SERPINC1: variants seen among roughly 807,000 people sequenced by gnomAD.
The protein encoded by SERPINC1 is serpin family C member 1.
A neutral mutation model predicts 43.4 loss-of-function variants in SERPINC1; 12 were observed. The observed-to-expected ratio is 0.28, with a 90% confidence interval of 0.18 to 0.45. SERPINC1 has a LOEUF of 0.45. SERPINC1 is among the 20% of genes least tolerant of loss of function. SERPINC1 has a pLI of 1.00. For synonymous variants in SERPINC1, 210 were observed against 218.9 expected, an observed-to-expected ratio of 0.96 and a Z score of 0.36; for missense variants, 423 against 578.8, an observed-to-expected ratio of 0.73 and a Z score of 2.76.
At chr1:173,913,483 T>G (rs184793514) in intron 2 of SERPINC1, among the ~76,000 whole-genome samples, 16 of 152,292 alleles carry the variant, frequency 1.1e-4, no homozygotes, top group Admixed American at 6.5e-4. Flanking sequence ...GGTCTCAATA[T>G]ACCATCCTAG....
rs1572091831 is a variant in SERPINC1 at position 173,914,633 on chromosome 1, GGAAAAT to G, written c.322_327del (p.Ile108_Phe109del). 1 of 1,614,226 alleles carries G rather than the reference GGAAAAT, an allele frequency of 6.2e-7. No homozygotes were observed. Among genetic ancestry groups the G allele is most frequent in the Non-Finnish European group, 8.5e-7 (1 of 1,180,044 alleles). On this transcript the variant is annotated inframe_deletion, in exon 2 of 7. Transcript: ENST00000367698. ...GCCGTGGAGATACTCAGGGGTGACA[GGAAAAT>G]GTTATCATTGTCATTCTTGGAATCT...
At chr1:173,910,950 T>G (rs2102784901) in intron 3 of SERPINC1, 59 bp from the exon 4 acceptor site, 2 of 1,586,416 alleles carry the variant, frequency 1.3e-6, no homozygotes, top group South Asian at 1.1e-5. Flanking sequence ...TTCTCCATTT[T>G]CCCAGGCAGC....
chr1:173,910,990 T>G, intron 3 of SERPINC1, 99 bp from the exon 4 acceptor site: 1 of 1,360,094 alleles, frequency 7.4e-7, no homozygotes, highest in Non-Finnish European at 1.0e-6. Flanking sequence ...CCCTCTGTCC[T>G]TTCCCACCAT....
Position 173,910,774 on chromosome 1 carries a change from C to T in SERPINC1, c.742G>A (p.Val248Ile). The change falls in exon 4 of 7, where the codon GTT becomes ATT. Residue 248 changes from valine to isoleucine, a missense_variant. Coordinates refer to ENST00000367698, the MANE Select transcript of SERPINC1 (RefSeq NM_000488.4). ...AINELTVLVL[V>I]NTIYFKGLWK... ...AGTACCTTGAAGTAAATGGTGTTAA[C>T]CAGCACCAGAACAGTGAGCTCATTG... The T allele has an allele frequency of 6.2e-7, 1 of 1,614,028 alleles. No individual in the cohort carries two copies. Among genetic ancestry groups the T allele is most frequent in the East Asian group, 2.2e-5 (1 of 44,878 alleles).
In SERPINC1 at chr1:173,911,770, G is replaced by A. The variant is rs572077195; in HGVS notation, c.624+29C>T. The A allele has an allele frequency of 2.9e-5, 45 of 1,548,096 alleles. No homozygotes were observed. The African/African-American group carries it at 3.4e-4, about 12-fold the overall frequency. On this transcript the variant is annotated intron_variant, in intron 3 of 6. Coordinates refer to ENST00000367698, the MANE Select transcript of SERPINC1 (RefSeq NM_000488.4). ...ATCTCTGAGTGGAGAGGAAGAACTC[G>A]GAGGTCAGGGGTAACATCTGCAACT... is the stretch of plus-strand genomic sequence containing the variant.
At chr1:173,912,151 A>C (rs1657797671) in intron 2 of SERPINC1, 137 bp from the exon 3 acceptor site, 2 of 716,726 alleles carry the variant, frequency 2.8e-6, no homozygotes, top group Admixed American at 2.0e-5. Context: ...CTGGGACAGC[A>C]TAAATGCTCA....
chr1:173,905,245 C>A (rs1219464392), intron 6 of SERPINC1, among the ~76,000 whole-genome samples: 2 of 152,134 alleles, frequency 1.3e-5, no homozygotes, highest in African/African-American at 4.8e-5. Context: ...ATCTTAACTT[C>A]CAAAACCATT....
chr1:173,915,264 G>C (rs1015680570), intron 1 of SERPINC1: 1 of 965,658 alleles, frequency 1.0e-6, no homozygotes. Flanking sequence ...TTAGTGCCCA[G>C]TGAAGAGTCA....
At chr1:173,904,787 A>G (rs1002105677) in intron 6 of SERPINC1, among the ~76,000 whole-genome samples, 5 of 151,378 alleles carry the variant, frequency 3.3e-5, no homozygotes, top group African/African-American at 1.2e-4. Flanking sequence ...TCCCTTCCTT[A>G]CCCGCTATCT....
intron 6 of SERPINC1, among the ~76,000 whole-genome samples, chr1:173,905,441 C>T (rs770473927): frequency 6.0e-5 from 9 of 149,864 alleles, no homozygotes; most frequent in Non-Finnish European, 1.0e-4. Context: ...CTCAGTAGGC[C>T]GGGCACGGTG....
In SERPINC1 at chr1:173,911,987, T is replaced by C. The variant is rs1170430756; in HGVS notation, c.436A>G (p.Lys146Glu). The C allele has an allele frequency of 1.9e-6, 3 of 1,614,104 alleles. No individual in the cohort carries two copies. The highest frequency in any genetic ancestry group is 2.5e-6 in the Non-Finnish European group (3 of 1,179,958). Residue 146 changes from lysine (K) to glutamate (E), a missense_variant, in exon 3 of 7, where the codon AAA becomes GAA. Physicochemically the swap from Lys to Glu is moderately conservative, Grantham distance 56 (BLOSUM62 1). Coordinates refer to ENST00000367698, the MANE Select transcript of SERPINC1 (RefSeq NM_000488.4). ...AAGAAGTGGATCTGATCAGATGTTT[T>C]CTCAGATATGGTGTCAAACTTAAAT... ...EVFKFDTISEKTSDQIHFFFA... is the reference protein window; with the variant it reads ...EVFKFDTISEETSDQIHFFFA...
intron 2 of SERPINC1, among the ~76,000 whole-genome samples, chr1:173,914,209 T>G (rs2102788996): frequency 6.6e-6 from 1 of 152,030 alleles, no homozygotes; most frequent in South Asian, 2.1e-4. Flanking sequence ...ACAGAGGAAG[T>G]GCTGAATGAA....
At chr1:173,912,060 A>G in intron 2 of SERPINC1, 46 bp from the exon 3 acceptor site, 1 of 1,387,094 alleles carries the variant, frequency 7.2e-7, no homozygotes, top group East Asian at 2.3e-5. Flanking sequence ...TGGGCTGCCT[A>G]GTTAACATGG....
chr1:173,915,632 GTGCCACTGCAC>G (rs970892652), intron 1 of SERPINC1, among the ~76,000 whole-genome samples: 52 of 152,192 alleles, frequency 3.4e-4, no homozygotes, highest in African/African-American at 1.2e-3. Context: ...AGCTGAGATT[GTGCCACTGCAC>G]TCCAACCTGG....
intron 5 of SERPINC1, among the ~76,000 whole-genome samples, chr1:173,908,024 A>AATAAT (rs1657602804): frequency 6.9e-6 from 1 of 144,768 alleles, no homozygotes; most frequent in Admixed American, 6.8e-5. Flanking sequence ...TAATAATAAT[A>AATAAT]ATAAAAGTAC....
chr1:173,912,878 T>TA lies in SERPINC1; in HGVS notation c.409-865dup, dbSNP rs1657828240. On this transcript the variant is annotated intron_variant, in intron 2 of 6. Transcript: ENST00000367698. ...GTAGGAAGGGTTACATTTAAGATCT[T>TA]ACCTGGGGACAGAGACATGAGTGAT... is the stretch of plus-strand genomic sequence containing the variant. Among the ~76,000 whole-genome samples, 6 of 152,286 alleles carry TA rather than the reference T, an allele frequency of 3.9e-5. No homozygotes were observed. The South Asian group carries it at 1.2e-3, about 32-fold the overall frequency.
At chr1:173,909,350 T>C (rs1657664061) in intron 5 of SERPINC1, among the ~76,000 whole-genome samples, 1 of 152,110 alleles carries the variant, frequency 6.6e-6, no homozygotes. Flanking sequence ...CCCATGGAGA[T>C]CCAAGAACAA....
chr1:173,914,468 G>T (rs1657902438), intron 2 of SERPINC1, 85 bp downstream of exon 2: 7 of 1,507,226 alleles, frequency 4.6e-6, no homozygotes, highest in Non-Finnish European at 6.5e-6. Context: ...CTGCAGTGTT[G>T]GTTGAGGAAT....
Position 173,917,249 on chromosome 1 carries a change from T to G in SERPINC1, c.11A>C (p.Asn4Thr), listed in dbSNP as rs1393755038. 6.2e-7 allele frequency: 1 copy of G among 1,613,884 alleles called. No individual in the cohort carries two copies. Among genetic ancestry groups the G allele is most frequent in the Non-Finnish European group, 8.5e-7 (1 of 1,179,964 alleles). Residue 4 changes from asparagine (N) to threonine (T), a missense_variant, in exon 1 of 7, where the codon AAT becomes ACT. By Grantham distance (65) the Asn-to-Thr change is moderately conservative. Coordinates refer to ENST00000367698, the MANE Select transcript of SERPINC1 (RefSeq NM_000488.4). ...TCCAGAGGTTACAGTTCCTATCACA[T>G]TGGAATACATGGCCGCTAATCTTCC... is the stretch of plus-strand genomic sequence containing the variant. MYS[N>T]VIGTVTSGKR...
Sources: allele counts gnomAD v4.1 joint callset (sites outside exome capture counted in the v4.1 genomes callset), GRCh38; gene constraint gnomAD v4.1.1; transcripts MANE v1.5; gene names NCBI Gene and HGNC (gene_info 2026-07-23, HGNC 2026-07-21).